The following PUDP variants were observed in gnomAD, a reference collection of about 807,000 sequenced individuals.
PUDP encodes the protein pseudouridine 5'-phosphatase, also known as pseudouridine-5'-phosphatase.
In PUDP, 8 loss-of-function variants were observed where a neutral mutation model predicts 9.4. The observed-to-expected ratio is 0.85, with a 90% CI of 0.50 to 1.53. PUDP has a LOEUF of 1.53. Ranked by LOEUF, PUDP falls within the 40% of genes most tolerant of loss-of-function variation. The pLI, the probability that PUDP is intolerant of heterozygous loss-of-function variation, is 0.00. For synonymous variants in PUDP, 99 were observed against 80.7 expected (o/e 1.23, Z -1.22); for missense variants, 188 against 189.7 (o/e 0.99, Z 0.05).
intron 3 of PUDP, among the ~76,000 whole-genome samples, chrX:6,753,411 C>T (rs766115127): frequency 8.9e-6 from 1 of 112,087 alleles, no homozygotes; most frequent in Non-Finnish European, 1.9e-5. Context: ...TTTGCAATTG[C>T]AAATTGTGCT....
chrX:7,044,609 G>C (rs1225394962), downstream of PUDP, among the ~76,000 whole-genome samples: 1 of 111,903 alleles, frequency 8.9e-6, no homozygotes, highest in Non-Finnish European at 1.9e-5. Flanking sequence ...CCTCAGACTT[G>C]GGGATATTAA....
intron 3 of PUDP, among the ~76,000 whole-genome samples, chrX:6,934,447 C>T (rs201310259): frequency 9.1e-6 from 1 of 109,850 alleles, no homozygotes; most frequent in African/African-American, 3.3e-5. Context: ...GATTTTGTCA[C>T]CACCAGGCCT....
intron 3 of PUDP, among the ~76,000 whole-genome samples, chrX:6,729,077 A>T (rs1289667759): frequency 2.7e-5 from 3 of 111,767 alleles, no homozygotes; most frequent in Non-Finnish European, 5.6e-5. Flanking sequence ...TCCTCACATC[A>T]CATTAAGGGT....
At chrX:6,752,538 C>A (rs192123178) in intron 3 of PUDP, among the ~76,000 whole-genome samples, 1,233 of 111,741 alleles carry the variant, frequency 0.011, 15 homozygotes, top group Non-Finnish European at 0.019. Context: ...CAGGATAAAG[C>A]AATTTGAAGA....
intron 1 of PUDP, among the ~76,000 whole-genome samples, chrX:6,983,859 C>T (rs1244080727): frequency 6.2e-5 from 7 of 112,318 alleles, no homozygotes; most frequent in African/African-American, 1.3e-4. Flanking sequence ...TTACATAGGG[C>T]GTACCCCAAG....
At chrX:7,057,122 G>C (rs1930266362) in intron 3 of PUDP, among the ~76,000 whole-genome samples, 1 of 112,503 alleles carries the variant, frequency 8.9e-6, no homozygotes, top group Admixed American at 9.3e-5. Context: ...GATGGTCTCT[G>C]TCCAGGGGAC....
At chrX:6,840,580 T>C (rs921028913) in intron 3 of PUDP, among the ~76,000 whole-genome samples, 1 of 111,881 alleles carries the variant, frequency 8.9e-6, no homozygotes, top group African/African-American at 3.2e-5. Flanking sequence ...TATTGGTGTA[T>C]TCCAGGAGTT....
chrX:7,037,343 G>A (rs762957858), intron 1 of PUDP, among the ~76,000 whole-genome samples: 2 of 112,057 alleles, frequency 1.8e-5, no homozygotes, highest in East Asian at 5.6e-4. Flanking sequence ...GGCAGCTTTG[G>A]GCAAAGATGG....
intron 3 of PUDP, among the ~76,000 whole-genome samples, chrX:6,783,819 C>T (rs935277577): frequency 9.0e-6 from 1 of 111,503 alleles, no homozygotes; most frequent in African/African-American, 3.3e-5. Flanking sequence ...TCAAAATTCG[C>T]CATCTGCAAG....
intron 3 of PUDP, among the ~76,000 whole-genome samples, chrX:7,051,424 C>T (rs186467531): frequency 9.0e-6 from 1 of 111,429 alleles, no homozygotes; most frequent in East Asian, 2.8e-4. Flanking sequence ...ATACTGGGTA[C>T]AGTGCACACT....
chrX:7,109,697 C>A (rs1308718112), intron 1 of PUDP, among the ~76,000 whole-genome samples: 1 of 111,931 alleles, frequency 8.9e-6, no homozygotes, highest in Non-Finnish European at 1.9e-5. Flanking sequence ...AATTAAACTC[C>A]TCAGATCAAA....
At chrX:6,860,262 G>A (rs1926976610) in intron 3 of PUDP, among the ~76,000 whole-genome samples, 1 of 110,493 alleles carries the variant, frequency 9.1e-6, no homozygotes, top group Non-Finnish European at 1.9e-5. Context: ...GATAACAGGT[G>A]TGAGCCATTG....
chrX:6,873,958 C>CA (rs1477665416), intron 3 of PUDP, among the ~76,000 whole-genome samples: 1 of 110,988 alleles, frequency 9.0e-6, no homozygotes, highest in Non-Finnish European at 1.9e-5. Flanking sequence ...CTCATCTCTA[C>CA]AAAAAATTAA....
chrX:7,035,476 C>A (rs1363966209), intron 1 of PUDP, among the ~76,000 whole-genome samples: 2 of 111,818 alleles, frequency 1.8e-5, no homozygotes, highest in Non-Finnish European at 3.8e-5. Flanking sequence ...TCAGTTTCAA[C>A]TGCACTTGCT....
chrX:6,945,795 C>CT (rs1305792991), intron 3 of PUDP, among the ~76,000 whole-genome samples: 1 of 111,047 alleles, frequency 9.0e-6, no homozygotes, highest in Admixed American at 9.7e-5. Flanking sequence ...GGAATTCAGC[C>CT]TGAAGAGATA....
intron 1 of PUDP, among the ~76,000 whole-genome samples, chrX:7,022,005 T>C (rs1255874498): frequency 8.9e-6 from 1 of 112,183 alleles, no homozygotes; most frequent in Non-Finnish European, 1.9e-5. Flanking sequence ...CCTTGGGCTT[T>C]ATCAGTATCA....
chrX:7,024,218 T>C (rs1365082403), intron 1 of PUDP, among the ~76,000 whole-genome samples: 1 of 112,094 alleles, frequency 8.9e-6, no homozygotes, highest in Non-Finnish European at 1.9e-5. Flanking sequence ...TGATCTCTTG[T>C]AAAACGTTGA....
At chrX:7,085,099 T>C (rs944095868) in intron 2 of PUDP, 52 of 112,286 alleles carry the variant, frequency 4.6e-4, no homozygotes, top group African/African-American at 1.4e-3. Context: ...TTCGATGTGA[T>C]TGACAGGCAC....
At chrX:7,020,760 G>A (rs1291179360) in intron 1 of PUDP, among the ~76,000 whole-genome samples, 1 of 112,874 alleles carries the variant, frequency 8.9e-6, no homozygotes, top group African/African-American at 3.2e-5. Context: ...TGCTGTTCCT[G>A]TTTGAATGCT....
Sources: gnomAD v4.1 joint callset for allele counts (sites outside exome capture counted in the v4.1 genomes callset) on GRCh38, gnomAD v4.1.1 for gene constraint, MANE v1.5 for transcripts, NCBI Gene and HGNC (gene_info 2026-07-23, HGNC 2026-07-21) for gene names.